Variants in ZFPM2 observed in about 807,000 individuals in gnomAD.
The protein encoded by ZFPM2 is zinc finger protein, FOG family member 2.
ZFPM2 carries 20 observed loss-of-function variants against 98.6 expected under a neutral mutation model. That is an observed-to-expected ratio of 0.20 (90% confidence interval 0.14 to 0.29). ZFPM2 has a LOEUF of 0.29. Ranked by LOEUF, ZFPM2 falls within the 10% of genes least tolerant of loss-of-function variation. The pLI, the probability that ZFPM2 is intolerant of heterozygous loss-of-function variation, is 1.00. For synonymous variants in ZFPM2, 518 were observed against 502.7 expected, an observed-to-expected ratio of 1.03 and a Z score of -0.41; for missense variants, 1,310 against 1,388.6, an observed-to-expected ratio of 0.94 and a Z score of 0.90.
intron 3 of ZFPM2, among the ~76,000 whole-genome samples, chr8:105,477,941 T>G (rs911175948): frequency 6.6e-6 from 1 of 152,240 alleles, no homozygotes; most frequent in Non-Finnish European, 1.5e-5. Context: ...GATTAAGGGT[T>G]GTATTCATCA....
intron 3 of ZFPM2, among the ~76,000 whole-genome samples, chr8:105,524,955 G>A (rs1814143487): frequency 6.6e-6 from 1 of 152,072 alleles, no homozygotes; most frequent in Admixed American, 6.6e-5. Context: ...TCGTCTCGCT[G>A]ATGGCACAAG....
chr8:105,500,867 G>A (rs890633459), intron 3 of ZFPM2, among the ~76,000 whole-genome samples: 1 of 152,094 alleles, frequency 6.6e-6, no homozygotes, highest in Admixed American at 6.6e-5. Flanking sequence ...ATATGTAGAT[G>A]TCTAGTACCT....
chr8:105,546,780 C>T (rs1051514922), intron 3 of ZFPM2, among the ~76,000 whole-genome samples: 1 of 152,028 alleles, frequency 6.6e-6, no homozygotes, highest in African/African-American at 2.4e-5. Flanking sequence ...GCTAGTAGTG[C>T]TCAAGATGGT....
At chr8:105,745,939 TTTG>T (rs796377090) in intron 5 of ZFPM2, among the ~76,000 whole-genome samples, 15 of 152,026 alleles carry the variant, frequency 9.9e-5, no homozygotes, top group African/African-American at 3.6e-4. Flanking sequence ...TTTGTATTTT[TTTG>T]TTGTTGTTGT....
chr8:105,599,388 CT>C (rs1358485969), intron 4 of ZFPM2, among the ~76,000 whole-genome samples: 1 of 97,884 alleles, frequency 1.0e-5, no homozygotes, highest in Non-Finnish European at 2.3e-5. Flanking sequence ...TTCTTTTCGT[CT>C]TTAAAAAAAA....
At chr8:105,335,960 A>G (rs1420365745) in intron 1 of ZFPM2, among the ~76,000 whole-genome samples, 1 of 151,842 alleles carries the variant, frequency 6.6e-6, no homozygotes, top group Non-Finnish European at 1.5e-5. Flanking sequence ...CAAGCTATCT[A>G]CTTGAAAATG....
chr8:105,740,749 G>A (rs969851946), intron 5 of ZFPM2, among the ~76,000 whole-genome samples: 3 of 151,730 alleles, frequency 2.0e-5, no homozygotes, highest in African/African-American at 4.8e-5. Context: ...CAGTGAACCT[G>A]CTTCCCATAG....
At position 105,319,033 on chromosome 8, in the gene ZFPM2, G is replaced by A. The variant is rs1203596782; in HGVS notation, c.40+52G>A. Reference sequence around the variant, plus strand: ...TGGTGGGATTATTGCCCAGGAGCGGGGTGCGCGGGACGGGAAAGCGGTGGG... The same window carrying A: ...TGGTGGGATTATTGCCCAGGAGCGGAGTGCGCGGGACGGGAAAGCGGTGGG... On this transcript the variant is annotated intron_variant, in intron 1 of 7. Coordinates refer to ENST00000407775, the MANE Select transcript of ZFPM2 (RefSeq NM_012082.4). 20 of 1,468,666 alleles carry A rather than the reference G, an allele frequency of 1.4e-5. No individual in the cohort carries two copies. The African/African-American group carries it at 2.6e-4, about 19-fold the overall frequency. The allele number at this position is 1,468,666 out of a possible 1,614,324, so 91.0% of individuals were successfully genotyped here.
At position 105,444,398 on chromosome 8, in the gene ZFPM2, A is replaced by G. The variant is rs2130217045; in HGVS notation, c.301+17A>G. 1 of 1,582,662 alleles carries G rather than the reference A, an allele frequency of 6.3e-7. No homozygotes were observed. The highest frequency in any genetic ancestry group is 2.3e-5 in the East Asian group (1 of 44,332). The stretch of plus-strand genomic sequence containing the variant: ...ATGGACCAGGTAGGGGAGAATATTT[A>G]AAATTCAACCGTCTTTAGTACTGTT... On this transcript the variant is annotated intron_variant, in intron 3 of 7. Transcript: ENST00000407775.
intron 4 of ZFPM2, among the ~76,000 whole-genome samples, chr8:105,578,682 A>C (rs1449924314): frequency 6.6e-6 from 1 of 152,126 alleles, no homozygotes; most frequent in African/African-American, 2.4e-5. Flanking sequence ...TATTAATACT[A>C]TCTTGGTAAG....
At chr8:105,500,238 T>C (rs1185015544) in intron 3 of ZFPM2, among the ~76,000 whole-genome samples, 2 of 152,222 alleles carry the variant, frequency 1.3e-5, no homozygotes. Context: ...TCCTACTGAC[T>C]AGCATGCTAA....
intron 3 of ZFPM2, among the ~76,000 whole-genome samples, chr8:105,504,848 A>G (rs1261537087): frequency 6.6e-6 from 1 of 152,204 alleles, no homozygotes; most frequent in African/African-American, 2.4e-5. Flanking sequence ...GAACAAGTTT[A>G]AAGTACCTAA....
intron 5 of ZFPM2, among the ~76,000 whole-genome samples, chr8:105,659,917 C>A (rs1394927616): frequency 6.6e-6 from 1 of 152,100 alleles, no homozygotes; most frequent in Non-Finnish European, 1.5e-5. Context: ...TGAAACTCTT[C>A]ATAAAGGTTA....
At chr8:105,409,865 A>G (rs1290971692) in intron 1 of ZFPM2, among the ~76,000 whole-genome samples, 1 of 151,772 alleles carries the variant, frequency 6.6e-6, no homozygotes, top group Non-Finnish European at 1.5e-5. Context: ...AGGTGATGCT[A>G]TTATCAGGTG....
intron 5 of ZFPM2, among the ~76,000 whole-genome samples, chr8:105,693,045 T>C (rs1441666825): frequency 1.3e-5 from 2 of 152,116 alleles, no homozygotes; most frequent in Non-Finnish European, 2.9e-5. Context: ...GAGCATGACA[T>C]GAGAAGAGCC....
intron 3 of ZFPM2, among the ~76,000 whole-genome samples, chr8:105,528,402 T>G (rs1313354210): frequency 6.6e-6 from 1 of 151,978 alleles, no homozygotes; most frequent in Non-Finnish European, 1.5e-5. Context: ...TGAAGGGTCA[T>G]TAGGAGTTGA....
intron 3 of ZFPM2, among the ~76,000 whole-genome samples, chr8:105,505,410 A>G (rs899764302): frequency 1.3e-5 from 2 of 152,180 alleles, no homozygotes; most frequent in African/African-American, 4.8e-5. Context: ...ACATAGGGGA[A>G]TGCGTCAGTC....
Position 105,318,877 on chromosome 8 carries a change from C to CGGCGGGAGA in ZFPM2, c.-65_-64insGGCGGGAGA, listed in dbSNP as rs2130635360. The CGGCGGGAGA allele has an allele frequency of 1.8e-6, 2 of 1,087,138 alleles. 1 individual carries two copies. The highest frequency in any genetic ancestry group is 2.3e-6 in the Non-Finnish European group (2 of 873,310). 67.3% of individuals were successfully genotyped at this position (1,087,138 alleles called of 1,614,324 possible). A position where few individuals can be genotyped will look rare whatever the true frequency, so the allele number is the denominator to read the frequency against. ...GCGGCGGCGGCGGCGGCGGCGGGAG[C>CGGCGGGAGA]CGAGGGAGCGGCAGCCGCGACCGCG... is the stretch of plus-strand genomic sequence containing the variant. On this transcript the variant is annotated 5_prime_UTR_variant, in exon 1 of 8. Coordinates refer to ENST00000407775, the MANE Select transcript of ZFPM2 (RefSeq NM_012082.4).
At chr8:105,361,892 C>T (rs929797371) in intron 1 of ZFPM2, among the ~76,000 whole-genome samples, 19 of 151,896 alleles carry the variant, frequency 1.3e-4, no homozygotes, top group African/African-American at 4.6e-4. Context: ...CTATATTTAC[C>T]TACACTATTT....
Sources: gnomAD v4.1 joint callset for allele counts (sites outside exome capture counted in the v4.1 genomes callset) on GRCh38, gnomAD v4.1.1 for gene constraint, MANE v1.5 for transcripts, NCBI Gene and HGNC (gene_info 2026-07-23, HGNC 2026-07-21) for gene names.